PRKCQ: variants seen among roughly 807,000 people sequenced by gnomAD.
The protein encoded by PRKCQ is protein kinase C theta type.
PRKCQ carries 41 observed loss-of-function variants against 91.2 expected under a neutral mutation model. That is an observed-to-expected ratio of 0.45 (90% CI 0.35 to 0.58). PRKCQ has a LOEUF of 0.58. PRKCQ is among the 20% of genes least tolerant of loss of function. The pLI, the probability that PRKCQ is intolerant of heterozygous loss-of-function variation, is 0.00. For synonymous variants in PRKCQ, 307 were observed against 316.9 expected, an observed-to-expected ratio of 0.97 and a Z score of 0.33; for missense variants, 673 against 896.5, an observed-to-expected ratio of 0.75 and a Z score of 3.18.
chr10:6,458,357 A>G (rs1835140182), intron 14 of PRKCQ, among the ~76,000 whole-genome samples: 1 of 152,122 alleles, frequency 6.6e-6, no homozygotes, highest in African/African-American at 2.4e-5. Context: ...AGCCAGCTGG[A>G]GAGGGCAGAG....
chr10:6,579,641 A>G (rs1317570282), intron 1 of PRKCQ, among the ~76,000 whole-genome samples: 1 of 92,856 alleles, frequency 1.1e-5, no homozygotes, highest in Non-Finnish European at 2.0e-5. Flanking sequence ...ATGAGCACGC[A>G]GATTTTTCTT....
chr10:6,483,650 ATTC>A (rs761766647), intron 10 of PRKCQ, 50 bp from the exon 11 acceptor site: 17 of 1,597,190 alleles, frequency 1.1e-5, no homozygotes, highest in Non-Finnish European at 1.5e-5. Context: ...AATGGAGGTC[ATTC>A]TAGTTACTGA....
chr10:6,424,640 CTG>C (rs1479857466), downstream of PRKCQ, among the ~76,000 whole-genome samples: 4 of 152,214 alleles, frequency 2.6e-5, no homozygotes, highest in Non-Finnish European at 2.9e-5. Flanking sequence ...GACAGAGGCT[CTG>C]AGAGCTCAGA....
chr10:6,523,020 AGAT>A (rs1020234058), intron 1 of PRKCQ, among the ~76,000 whole-genome samples: 5 of 151,368 alleles, frequency 3.3e-5, no homozygotes, highest in Admixed American at 6.6e-5. Context: ...CACAGAAGAA[AGAT>A]GATAACTAGT....
intron 9 of PRKCQ, 125 bp downstream of exon 9, chr10:6,485,910 A>G: frequency 1.3e-6 from 1 of 758,244 alleles, no homozygotes. Flanking sequence ...GCCAAGGGCA[A>G]GGCCGGTGCT....
intron 14 of PRKCQ, among the ~76,000 whole-genome samples, chr10:6,458,896 T>C (rs11258960): frequency 0.2 from 30,303 of 152,146 alleles, 3,861 homozygotes; most frequent in Non-Finnish European, 0.27. Flanking sequence ...CTGCATACTT[T>C]CCGGCTCTGT....
At chr10:6,570,433 A>G (rs1310090726) in intron 1 of PRKCQ, among the ~76,000 whole-genome samples, 3 of 152,026 alleles carry the variant, frequency 2.0e-5, no homozygotes, top group Non-Finnish European at 4.4e-5. Context: ...GCCAGAAATG[A>G]GGGAGAGAAG....
chr10:6,408,488 G>A, the PRKCQ span, among the ~76,000 whole-genome samples: 5 of 152,152 alleles, frequency 3.3e-5, no homozygotes, highest in Non-Finnish European at 7.3e-5. Context: ...CCAAGTAGCT[G>A]GGATTACAGG....
chr10:6,504,323 T>C (rs1279354257), intron 4 of PRKCQ, among the ~76,000 whole-genome samples: 2 of 152,166 alleles, frequency 1.3e-5, no homozygotes. Flanking sequence ...TCCCATTAGT[T>C]CAAAGCATGA....
chr10:6,498,327 G>A lies in PRKCQ; in HGVS notation c.542+69C>T, dbSNP rs116897702. 1,827 of 1,556,056 alleles carry A rather than the reference G, an allele frequency of 1.2e-3. 1 individual carries two copies. The highest frequency in any genetic ancestry group is 1.3e-3 in the Non-Finnish European group (1,505 of 1,132,114). ...ACCCCCCACAGTGGAGCATGCCAGCGTAGAGGATTAAGAAGACGCAACAAA... is the reference window on the plus strand; with the variant it reads ...ACCCCCCACAGTGGAGCATGCCAGCATAGAGGATTAAGAAGACGCAACAAA... On this transcript the variant is annotated intron_variant, in intron 5 of 17. Transcript: ENST00000263125.
At chr10:6,512,667 C>T (rs747962592) in intron 2 of PRKCQ, among the ~76,000 whole-genome samples, 3 of 152,138 alleles carry the variant, frequency 2.0e-5, no homozygotes, top group Non-Finnish European at 4.4e-5. Flanking sequence ...GGAAATAAAG[C>T]CCTTCTAACT....
the PRKCQ span, among the ~76,000 whole-genome samples, chr10:6,402,371 C>CAAAAAAAA: frequency 4.5e-5 from 3 of 66,544 alleles, no homozygotes; most frequent in Admixed American, 1.8e-4. Flanking sequence ...ATTTCAATGC[C>CAAAAAAAA]AAAAAAAAAA....
chr10:6,541,780 AT>A (rs1839784097), intron 1 of PRKCQ, among the ~76,000 whole-genome samples: 1 of 152,192 alleles, frequency 6.6e-6, no homozygotes, highest in African/African-American at 2.4e-5. Context: ...GCTAGATAGC[AT>A]TCTCTTTGCA....
chr10:6,533,420 C>T (rs963519672), intron 1 of PRKCQ, among the ~76,000 whole-genome samples: 1 of 152,128 alleles, frequency 6.6e-6, no homozygotes, highest in Admixed American at 6.6e-5. Context: ...TAGTCTTGAA[C>T]TCCTGACCTC....
chr10:6,461,154 C>CAACCATCTG (rs1835325271), intron 14 of PRKCQ, among the ~76,000 whole-genome samples: 1 of 151,916 alleles, frequency 6.6e-6, no homozygotes, highest in Admixed American at 6.6e-5. Flanking sequence ...TCCATCCATT[C>CAACCATCTG]AACCATCTGT....
chr10:6,418,962 TC>T, the PRKCQ span, among the ~76,000 whole-genome samples: 12 of 50,354 alleles, frequency 2.4e-4, no homozygotes, highest in Non-Finnish European at 4.9e-4. Flanking sequence ...CTAATATCTA[TC>T]TATCTATCTA....
chr10:6,549,039 C>T (rs983454258), intron 1 of PRKCQ, among the ~76,000 whole-genome samples: 8 of 152,134 alleles, frequency 5.3e-5, no homozygotes, highest in Admixed American at 1.3e-4. Flanking sequence ...GAGGCAGGCA[C>T]GTATAAGCCA....
intron 1 of PRKCQ, among the ~76,000 whole-genome samples, chr10:6,535,087 G>T (rs1027333223): frequency 6.6e-6 from 1 of 152,158 alleles, no homozygotes; most frequent in Admixed American, 6.5e-5. Flanking sequence ...CTCCAAGGCT[G>T]CCGAGCTTGT....
At chr10:6,424,743 T>C (rs931133513), downstream of PRKCQ, among the ~76,000 whole-genome samples, 2 of 152,198 alleles carry the variant, frequency 1.3e-5, no homozygotes, top group African/African-American at 2.4e-5. Flanking sequence ...ATGGTCTTGC[T>C]GGACGGGATC....
Sources: allele counts gnomAD v4.1 joint callset (sites outside exome capture counted in the v4.1 genomes callset), GRCh38; gene constraint gnomAD v4.1.1; transcripts MANE v1.5; gene names NCBI Gene and HGNC (gene_info 2026-07-23, HGNC 2026-07-21).